CNTN4: variants seen among roughly 807,000 people sequenced by gnomAD.
CNTN4 encodes the protein contactin-4.
A neutral mutation model predicts 122.5 loss-of-function variants in CNTN4; 77 were observed. The observed-to-expected ratio is 0.63, with a 90% confidence interval of 0.52 to 0.76. The LOEUF is 0.76. Ranked by LOEUF, CNTN4 falls within the 30% of genes least tolerant of loss-of-function variation. The pLI is 0.00. For missense variants in CNTN4, 1,256 were observed against 1,259.1 expected, an observed-to-expected ratio of 1.00 and a Z score of 0.04; for synonymous variants, 512 against 447.0, an observed-to-expected ratio of 1.15 and a Z score of -1.83.
chr3:2,740,524 T>C (rs1297990211), intron 5 of CNTN4, among the ~76,000 whole-genome samples: 1 of 152,198 alleles, frequency 6.6e-6, no homozygotes, highest in East Asian at 1.9e-4. Flanking sequence ...GAAGGAGTGG[T>C]ATAATCAAAG....
chr3:2,194,638 C>G lies in CNTN4; in HGVS notation c.-145+93999C>G, dbSNP rs184508509. ...CATGCGTAATTAATTTACATAATGT[C>G]ATACTGGAGTAGGGTGGGCCCCCAA... On this transcript the variant is annotated intron_variant, in intron 2 of 24. Coordinates refer to ENST00000418658, the MANE Select transcript of CNTN4 (RefSeq NM_175607.3). 2.7e-3 allele frequency among the ~76,000 whole-genome samples: 418 copies of G among 152,204 alleles called. 2 individuals carry two copies. Among genetic ancestry groups the G allele is most frequent in the African/African-American group, 9.2e-3 (383 of 41,520 alleles).
intron 3 of CNTN4, among the ~76,000 whole-genome samples, chr3:2,528,306 A>T (rs938757710): frequency 2.6e-5 from 4 of 152,188 alleles, no homozygotes; most frequent in Non-Finnish European, 5.9e-5. Context: ...TGTTATTTCT[A>T]TTTTATTGGA....
chr3:2,252,233 G>A (rs1466082337), intron 2 of CNTN4, among the ~76,000 whole-genome samples: 1 of 151,888 alleles, frequency 6.6e-6, no homozygotes, highest in Admixed American at 6.6e-5. Context: ...TCTTGATAAA[G>A]TTTTTTATTA....
At chr3:2,923,488 C>G (rs1373623806) in intron 12 of CNTN4, among the ~76,000 whole-genome samples, 1 of 152,132 alleles carries the variant, frequency 6.6e-6, no homozygotes, top group African/African-American at 2.4e-5. Flanking sequence ...CAACCAAACA[C>G]AAAGCCTACG....
At chr3:2,099,841 G>C (rs1215141868) in intron 1 of CNTN4, 1 of 152,432 alleles carries the variant, frequency 6.6e-6, no homozygotes, top group East Asian at 1.9e-4. Flanking sequence ...TCTGGAACGC[G>C]GGGCTCAAAA....
chr3:2,658,975 CACACA>C (rs2083736555), intron 4 of CNTN4, among the ~76,000 whole-genome samples: 1 of 135,880 alleles, frequency 7.4e-6, no homozygotes, highest in South Asian at 2.2e-4. Flanking sequence ...GACACACACA[CACACA>C]CACACACACA....
At chr3:2,676,804 C>T (rs1415057791) in intron 4 of CNTN4, among the ~76,000 whole-genome samples, 1 of 152,138 alleles carries the variant, frequency 6.6e-6, no homozygotes, top group East Asian at 1.9e-4. Flanking sequence ...TATAAAAAGA[C>T]ACAGTTTTTG....
chr3:2,116,755 C>T (rs1006458390), intron 2 of CNTN4, among the ~76,000 whole-genome samples: 4 of 152,030 alleles, frequency 2.6e-5, no homozygotes, highest in Admixed American at 6.6e-5. Flanking sequence ...GCTTCTCTAT[C>T]CCCCCTGCCA....
intron 2 of CNTN4, among the ~76,000 whole-genome samples, chr3:2,113,366 A>G (rs1450537132): frequency 6.6e-6 from 1 of 152,216 alleles, no homozygotes; most frequent in Non-Finnish European, 1.5e-5. Context: ...TATCATTTAT[A>G]TAGAAATTTG....
intron 2 of CNTN4, among the ~76,000 whole-genome samples, chr3:2,212,488 G>A (rs930049371): frequency 6.6e-6 from 1 of 152,124 alleles, no homozygotes; most frequent in Non-Finnish European, 1.5e-5. Context: ...CCGGGCAAGA[G>A]GGTTTGTGCA....
intron 8 of CNTN4, among the ~76,000 whole-genome samples, chr3:2,872,213 G>T (rs948912260): frequency 6.6e-6 from 1 of 152,122 alleles, no homozygotes; most frequent in African/African-American, 2.4e-5. Context: ...AGTAGCCTTC[G>T]ATGATAATCA....
At chr3:2,690,969 A>G (rs2085705916) in intron 4 of CNTN4, among the ~76,000 whole-genome samples, 1 of 152,196 alleles carries the variant, frequency 6.6e-6, no homozygotes, top group African/African-American at 2.4e-5. Context: ...GAGCCCGTCA[A>G]TGCCCTAGCC....
intron 6 of CNTN4, among the ~76,000 whole-genome samples, chr3:2,791,665 A>G (rs2092016517): frequency 6.6e-6 from 1 of 152,198 alleles, no homozygotes; most frequent in South Asian, 2.1e-4. Flanking sequence ...AAATTGACCT[A>G]CATTTGGTGA....
intron 4 of CNTN4, among the ~76,000 whole-genome samples, chr3:2,588,970 A>G (rs887993039): frequency 5.3e-5 from 8 of 152,140 alleles, no homozygotes; most frequent in Admixed American, 6.5e-5. Context: ...ATGTAAATCA[A>G]TTTGGGGCTA....
intron 4 of CNTN4, among the ~76,000 whole-genome samples, chr3:2,609,278 G>C (rs1167268555): frequency 1.3e-5 from 2 of 152,184 alleles, no homozygotes; most frequent in Admixed American, 6.5e-5. Context: ...GAAAGGGGCT[G>C]GAGGAAACTA....
chr3:2,377,015 G>C (rs992145897), intron 3 of CNTN4, among the ~76,000 whole-genome samples: 5 of 152,178 alleles, frequency 3.3e-5, no homozygotes, highest in Non-Finnish European at 7.3e-5. Context: ...AATTAGCCAG[G>C]CATAGTGGAG....
chr3:2,694,614 C>T (rs1046090006), intron 4 of CNTN4, among the ~76,000 whole-genome samples: 6 of 152,152 alleles, frequency 3.9e-5, no homozygotes, highest in African/African-American at 1.4e-4. Context: ...CCTGTAATCC[C>T]AGCTACTTAG....
chr3:2,812,705 A>T (rs2092642138), intron 6 of CNTN4, among the ~76,000 whole-genome samples: 2 of 152,198 alleles, frequency 1.3e-5, no homozygotes. Context: ...GATAGTGCTA[A>T]CATTTATAGA....
intron 5 of CNTN4, among the ~76,000 whole-genome samples, chr3:2,742,039 C>G (rs1014297015): frequency 1.3e-5 from 2 of 152,180 alleles, no homozygotes; most frequent in African/African-American, 2.4e-5. Context: ...AAGCATTCCT[C>G]TTGTTGAAAG....
Sources: allele counts gnomAD v4.1 joint callset (sites outside exome capture counted in the v4.1 genomes callset), GRCh38; gene constraint gnomAD v4.1.1; transcripts MANE v1.5; gene names NCBI Gene and HGNC (gene_info 2026-07-23, HGNC 2026-07-21).